KLHL38: variants seen among roughly 807,000 people sequenced by gnomAD.
KLHL38 encodes kelch-like protein 38.
A neutral mutation model predicts 39.6 loss-of-function variants in KLHL38; 38 were observed. That is an observed-to-expected ratio of 0.96 (90% CI 0.74 to 1.26). The LOEUF is 1.26. Ranked by LOEUF, KLHL38 falls within the 50% of genes most tolerant of loss-of-function variation. The pLI is 0.00. For missense variants in KLHL38, 803 were observed against 748.1 expected (o/e 1.07, Z -0.86); for synonymous variants, 322 against 302.2 (o/e 1.07, Z -0.68).
chr8:123,651,605 A>G lies in KLHL38; in HGVS notation c.1322T>C (p.Ile441Thr). The change falls in exon 2 of 4, where the codon ATC (isoleucine) becomes ACC (threonine). Residue 441 changes from isoleucine (I) to threonine (T), a missense_variant. Ile to Thr is a moderately conservative substitution (Grantham distance 89, BLOSUM62 -1). Transcript: ENST00000684634. ...GATAAGGCGCACAGGGTTCTGCATG[A>G]TGTCCTCTCCTCCAAAGAGATAGAG... ...QRLYLFGGEDIMQNPVRLIQV... is the reference protein window; with the variant it reads ...QRLYLFGGEDTMQNPVRLIQV... 6.3e-7 allele frequency: 1 copy of G among 1,599,390 alleles called. No individual in the cohort carries two copies. The highest frequency in any genetic ancestry group is 8.5e-7 in the Non-Finnish European group (1 of 1,174,968).
rs754954708 is a variant in KLHL38 at position 123,646,001 on chromosome 8, T to A, written c.1484A>T (p.Asp495Val). Reference protein sequence around the residue: ...GGYTRRILAYDPQSNKFVKCA... With the variant: ...GGYTRRILAYVPQSNKFVKCA... Reference sequence around the variant, plus strand: ...TTTGACAAATTTGTTGGATTGAGGGTCATAAGCAAGAATCCTCCTTGTGTA... The same window carrying A: ...TTTGACAAATTTGTTGGATTGAGGGACATAAGCAAGAATCCTCCTTGTGTA... Residue 495 changes from aspartate (D) to valine (V), a missense_variant, in exon 4 of 4, where the codon GAC becomes GTC. Asp to Val is a radical substitution (Grantham distance 152, BLOSUM62 -3). Transcript: ENST00000684634. 8 of 1,613,990 alleles carry A rather than the reference T, an allele frequency of 5.0e-6. No homozygotes were observed. The highest frequency in any genetic ancestry group is 6.8e-6 in the Non-Finnish European group (8 of 1,180,006).
Position 123,652,913 on chromosome 8 carries a change from G to A in KLHL38, c.14C>T (p.Ser5Leu), listed in dbSNP as rs1354734748. The stretch of plus-strand genomic sequence containing the variant: ...GTCTTTGAAGAGCAGCCCATCTAGT[G>A]ACTCCTCGTCCATCCTACAAAGAGG... MDEE[S>L]LDGLLFKDHD... The change falls in exon 2 of 4, where the codon TCA becomes TTA. Residue 5 changes from serine (S) to leucine (L), a missense_variant. Ser to Leu is a moderately radical substitution (Grantham distance 145). Coordinates refer to ENST00000684634, the MANE Select transcript of KLHL38 (RefSeq NM_001081675.3). 1.3e-6 allele frequency: 2 copies of A among 1,596,000 alleles called. No individual in the cohort carries two copies. The highest frequency in any genetic ancestry group is 3.3e-5 in the Admixed American group (2 of 59,760).
At chr8:123,647,723 G>C (rs1418099010) in intron 2 of KLHL38, among the ~76,000 whole-genome samples, 1 of 152,204 alleles carries the variant, frequency 6.6e-6, no homozygotes, top group African/African-American at 2.4e-5. Flanking sequence ...GAAGGAACAA[G>C]AGCATTTATC....
chr8:123,651,578 T>C lies in KLHL38; in HGVS notation c.1349A>G (p.Gln450Arg), dbSNP rs200132194. The part of the protein sequence containing the change: ...DIMQNPVRLI[Q>R]VYHISRNSWF... ...TGATGGGAAGAACCGGCCATTTACC[T>C]GGATAAGGCGCACAGGGTTCTGCAT... The change falls in exon 2 of 4, where the codon CAG becomes CGG. Residue 450 changes from glutamine to arginine, a missense_variant and splice_region_variant. Gln to Arg is a conservative substitution (Grantham distance 43). Transcript: ENST00000684634. 1 of 1,558,854 alleles carries C rather than the reference T, an allele frequency of 6.4e-7. No homozygotes were observed. The highest frequency in any genetic ancestry group is 8.6e-7 in the Non-Finnish European group (1 of 1,157,032).
intron 2 of KLHL38, among the ~76,000 whole-genome samples, chr8:123,648,782 T>C (rs1274721781): frequency 2.0e-5 from 3 of 152,118 alleles, no homozygotes; most frequent in Non-Finnish European, 4.4e-5. Flanking sequence ...ACAGGTACAG[T>C]GCGATTTGCA....
intron 2 of KLHL38, among the ~76,000 whole-genome samples, chr8:123,647,940 G>A (rs553849163): frequency 2.4e-4 from 36 of 152,162 alleles, no homozygotes; most frequent in East Asian, 1.2e-3. Flanking sequence ...AATTAGCTGC[G>A]TGTGGTAGTG....
chr8:123,652,599 C>T lies in KLHL38; in HGVS notation c.328G>A (p.Ala110Thr), dbSNP rs754937316. ...TTGGGGAACTGTAGCATGGAGGCGG[C>T]CTCCATCACGGGGAGGACATTGTCA... ...ATDNVLPVME[A>T]ASMLQFPKLF... Residue 110 changes from alanine (A) to threonine (T), a missense_variant, in exon 2 of 4, where the codon GCC (alanine) becomes ACC (threonine). Ala to Thr is a moderately conservative substitution (Grantham distance 58). Transcript: ENST00000684634. 1.9e-6 allele frequency: 3 copies of T among 1,614,194 alleles called. 1 individual carries two copies. The South Asian group carries it at 3.3e-5, about 18-fold the overall frequency.
Position 123,645,983 on chromosome 8 carries a change from A to C in KLHL38, c.1502T>G (p.Phe501Cys). Residue 501 changes from phenylalanine to cysteine, a missense_variant, in exon 4 of 4, where the codon TTT becomes TGT. Phe to Cys is a radical substitution (Grantham distance 205, BLOSUM62 -2). Coordinates refer to ENST00000684634, the MANE Select transcript of KLHL38 (RefSeq NM_001081675.3). ...ILAYDPQSNK[F>C]VKCADMKDRR... ...GTCTTTCATGTCCGCACATTTGACA[A>C]ATTTGTTGGATTGAGGGTCATAAGC... is the stretch of plus-strand genomic sequence containing the variant. 6.2e-7 allele frequency: 1 copy of C among 1,614,042 alleles called. No homozygotes were observed. Among genetic ancestry groups the C allele is most frequent in the Non-Finnish European group, 8.5e-7 (1 of 1,180,006 alleles).
intron 2 of KLHL38, among the ~76,000 whole-genome samples, chr8:123,649,455 T>A (rs7387179): frequency 0.53 from 80,017 of 151,986 alleles, 23,961 homozygotes; most frequent in Non-Finnish European, 0.66. Context: ...ATCACCACCC[T>A]TGCCTGGAAC....
chr8:123,652,203 G>A lies in KLHL38; in HGVS notation c.724C>T (p.Leu242=), dbSNP rs1279214187. The change falls in exon 2 of 4, where the codon CTG becomes TTG. Residue 242 remains leucine (L), a synonymous_variant. Coordinates refer to ENST00000684634, the MANE Select transcript of KLHL38 (RefSeq NM_001081675.3). The part of the protein sequence containing the change: ...FHHFIANDAL[L]QSSPACQIIL... ...ATCTGGCATGCAGGCGAGGACTGCA[G>A]GAGGGCATCGTTGGCGATGAAGTGG... 1.2e-6 allele frequency: 2 copies of A among 1,614,224 alleles called. No individual in the cohort carries two copies. Among genetic ancestry groups the A allele is most frequent in the Non-Finnish European group, 1.7e-6 (2 of 1,180,032 alleles).
In KLHL38 at chr8:123,652,436, G is replaced by A. The variant is rs370071409; in HGVS notation, c.491C>T (p.Pro164Leu). ...KAREVALTSFPEVAASADLKE... is the reference protein window; with the variant it reads ...KAREVALTSFLEVAASADLKE... ...CAGGTCGGCCGATGCGGCCACCTCT[G>A]GGAAGGACGTCAGTGCCACCTCCCT... The change falls in exon 2 of 4, where the codon CCA becomes CTA. Residue 164 changes from proline to leucine, a missense_variant. Transcript: ENST00000684634. 1.2e-6 allele frequency: 2 copies of A among 1,614,144 alleles called. No individual in the cohort carries two copies. The highest frequency in any genetic ancestry group is 2.7e-5 in the African/African-American group (2 of 75,052).
chr8:123,645,449 A>AAGAGAG lies in KLHL38; in HGVS notation c.*284_*289dup, dbSNP rs374414250. ...GAAACTCCATCTCAAAAAAAAGAAA[A>AAGAGAG]AGAGAGAGAGAGAGAGAGAGAGAGA... On this transcript the variant is annotated 3_prime_UTR_variant, in exon 4 of 4. Coordinates refer to ENST00000684634, the MANE Select transcript of KLHL38 (RefSeq NM_001081675.3). 2,190 of 325,126 alleles carry AAGAGAG rather than the reference A, an allele frequency of 6.7e-3. 12 individuals are homozygous for AAGAGAG. Among genetic ancestry groups the AAGAGAG allele is most frequent in the African/African-American group, 0.02 (815 of 40,118 alleles). 20.1% of individuals were successfully genotyped at this position (325,126 alleles called of 1,614,324 possible). A position where few individuals can be genotyped will look rare whatever the true frequency, so the allele number is the denominator to read the frequency against.
rs761622873 is a variant in KLHL38 at position 123,652,821 on chromosome 8, C to T, written c.106G>A (p.Val36Met). 4 of 1,613,014 alleles carry T rather than the reference C, an allele frequency of 2.5e-6. No homozygotes were observed. Among genetic ancestry groups the T allele is most frequent in the Non-Finnish European group, 3.4e-6 (4 of 1,180,018 alleles). ...SLRQSRILTD[V>M]SICAGAREIP... ...TCCCGGGCACCGGCACAGATGCTCA[C>T]ATCAGTCAGGATCCTGCTTTGCCTT... is the stretch of plus-strand genomic sequence containing the variant. The change falls in exon 2 of 4, where the codon GTG (valine) becomes ATG (methionine). Residue 36 changes from valine to methionine, a missense_variant. Val to Met is a conservative substitution (Grantham distance 21). Coordinates refer to ENST00000684634, the MANE Select transcript of KLHL38 (RefSeq NM_001081675.3).
rs72140477 is a variant in KLHL38 at position 123,645,477 on chromosome 8, G to GAC, written c.*261_*262insGT. On this transcript the variant is annotated 3_prime_UTR_variant, in exon 4 of 4. Coordinates refer to ENST00000684634, the MANE Select transcript of KLHL38 (RefSeq NM_001081675.3). ...AGAGAGAGAGAGAGAGAGAGAGAGAGAGACAGACAGAGATAGGGGAGAGAA... is the reference window on the plus strand; with the variant it reads ...AGAGAGAGAGAGAGAGAGAGAGAGAGACAGACAGACAGAGATAGGGGAGAGAA... 1.7e-3 allele frequency: 790 copies of GAC among 474,650 alleles called. 2 individuals are homozygous for GAC. The highest frequency in any genetic ancestry group is 7.0e-3 in the East Asian group (205 of 29,208). 29.4% of individuals were successfully genotyped at this position (474,650 alleles called of 1,614,324 possible).
chr8:123,649,348 C>T lies in KLHL38; in HGVS notation c.1350+2229G>A, dbSNP rs138470934. ...TTGGAACAGCGATTCTAGAAAGACT[C>T]GGAATCTGCCTGGATGGTCAGGGAG... is the stretch of plus-strand genomic sequence containing the variant. On this transcript the variant is annotated intron_variant, in intron 2 of 3. Coordinates refer to ENST00000684634, the MANE Select transcript of KLHL38 (RefSeq NM_001081675.3). Among the ~76,000 whole-genome samples, 34 of 152,102 alleles carry T rather than the reference C, an allele frequency of 2.2e-4. No homozygotes were observed. The East Asian group carries it at 5.8e-3, about 26-fold the overall frequency.
rs747776230 is a variant in KLHL38, at chr8:123,652,255, C to T, written c.672G>A (p.Leu224=). ...GAAAGAAGGCTGGGTGGATGTACTG[C>T]AGCCTGACCTGCTTGAACAGTTCCT... ...YMQELFKQVR[L]QYIHPAFFHH... is the part of the protein sequence containing the mutation. The change falls in exon 2 of 4, where the codon CTG becomes CTA. Residue 224 remains leucine (L), a synonymous_variant. Coordinates refer to ENST00000684634, the MANE Select transcript of KLHL38 (RefSeq NM_001081675.3). The T allele has an allele frequency of 2.3e-5, 37 of 1,614,014 alleles. No individual in the cohort carries two copies. Among genetic ancestry groups the T allele is most frequent in the Non-Finnish European group, 3.0e-5 (35 of 1,180,032 alleles).
chr8:123,652,375 G>C lies in KLHL38; in HGVS notation c.552C>G (p.Leu184=). The C allele has an allele frequency of 6.2e-7, 1 of 1,613,942 alleles. No homozygotes were observed. The highest frequency in any genetic ancestry group is 8.5e-7 in the Non-Finnish European group (1 of 1,180,028). Residue 184 remains leucine, a synonymous_variant, in exon 2 of 4, where the codon CTC becomes CTG. Transcript: ENST00000684634. ...CCTCCCCACAGAGCCCATCATCTCC[G>C]AGATAGTCCCTCAACTCCAAGGCAC... ...ELCALELRDY[L]GDDGLCGEEE... is the part of the protein sequence containing the mutation.
At chr8:123,650,171 T>C (rs80042966) in intron 2 of KLHL38, among the ~76,000 whole-genome samples, 1,670 of 150,586 alleles carry the variant, frequency 0.011, 34 homozygotes, top group African/African-American at 0.039. Flanking sequence ...GCTCCAACAT[T>C]CCCTTAACCC....
chr8:123,645,965 A>G lies in KLHL38; in HGVS notation c.1520T>C (p.Met507Thr). The G allele has an allele frequency of 6.2e-7, 1 of 1,614,088 alleles. No individual in the cohort carries two copies. The highest frequency in any genetic ancestry group is 8.5e-7 in the Non-Finnish European group (1 of 1,180,002). The change falls in exon 4 of 4, where the codon ATG (methionine) becomes ACG (threonine). Residue 507 changes from methionine to threonine, a missense_variant. Physicochemically the swap from Met to Thr is moderately conservative, Grantham distance 81 (BLOSUM62 -1). Transcript: ENST00000684634. ...CCCATGGTGCATCCTCCGGTCTTTC[A>G]TGTCCGCACATTTGACAAATTTGTT... ...QSNKFVKCAD[M>T]KDRRMHHGAT...
Sources: gnomAD v4.1 joint callset for allele counts (sites outside exome capture counted in the v4.1 genomes callset) on GRCh38, gnomAD v4.1.1 for gene constraint, MANE v1.5 for transcripts, NCBI Gene and HGNC (gene_info 2026-07-23, HGNC 2026-07-21) for gene names.